RANBP2: variants seen among roughly 807,000 people sequenced by gnomAD.
RANBP2 encodes E3 SUMO-protein ligase RanBP2.
RANBP2 carries 57 observed loss-of-function variants against 303.6 expected under a neutral mutation model. That is an observed-to-expected ratio of 0.19 (90% confidence interval 0.15 to 0.23). The LOEUF is 0.23. Among genes scored for constraint, RANBP2 ranks in the 10% least tolerant of loss-of-function variants. The pLI is 1.00. For synonymous variants in RANBP2, 1,167 were observed against 1,301.5 expected, an observed-to-expected ratio of 0.90 and a Z score of 2.23; for missense variants, 3,138 against 3,780.8, an observed-to-expected ratio of 0.83 and a Z score of 4.46.
the RANBP2 span, among the ~76,000 whole-genome samples, chr2:109,629,425 A>C: frequency 1.4e-5 from 2 of 145,402 alleles, no homozygotes; most frequent in Admixed American, 1.4e-4. Flanking sequence ...TCTTCACCTT[A>C]ATATAACAAT....
the RANBP2 span, among the ~76,000 whole-genome samples, chr2:109,699,613 G>A: frequency 6.6e-6 from 1 of 152,190 alleles, no homozygotes; most frequent in Non-Finnish European, 1.5e-5. Flanking sequence ...TCATCATAAA[G>A]GTCTTCATCC....
chr2:108,751,199 T>G, intron 9 of RANBP2, 65 bp from the exon 10 acceptor site: 1 of 1,611,074 alleles, frequency 6.2e-7, no homozygotes, highest in Non-Finnish European at 8.5e-7. Flanking sequence ...TTGTTTATGT[T>G]GGCAAAACTA....
At chr2:109,146,261 G>A in the RANBP2 span, among the ~76,000 whole-genome samples, 2 of 152,156 alleles carry the variant, frequency 1.3e-5, no homozygotes, top group African/African-American at 2.4e-5. Flanking sequence ...CAGATTAAGG[G>A]TCAGGCAAAG....
At chr2:109,521,925 G>A in the RANBP2 span, among the ~76,000 whole-genome samples, 1 of 152,108 alleles carries the variant, frequency 6.6e-6, no homozygotes, top group African/African-American at 2.4e-5. Flanking sequence ...GGGGAGGGAG[G>A]GGTCGCAGCT....
At chr2:108,871,687 AT>A in the RANBP2 span, among the ~76,000 whole-genome samples, 1 of 152,180 alleles carries the variant, frequency 6.6e-6, no homozygotes, top group Non-Finnish European at 1.5e-5. Flanking sequence ...TGTATACCCT[AT>A]TTAAATACTG....
At chr2:109,248,783 G>C in the RANBP2 span, among the ~76,000 whole-genome samples, 1 of 140,908 alleles carries the variant, frequency 7.1e-6, no homozygotes, top group African/African-American at 2.8e-5. Flanking sequence ...TCTTCTTTCT[G>C]TCTTTCTCTT....
the RANBP2 span, among the ~76,000 whole-genome samples, chr2:109,650,202 G>T: frequency 2.3e-4 from 35 of 152,222 alleles, no homozygotes; most frequent in Non-Finnish European, 4.1e-4. Context: ...CACACAGCAT[G>T]AATCGGGTTT....
chr2:109,224,864 T>A, the RANBP2 span, among the ~76,000 whole-genome samples: 17 of 151,926 alleles, frequency 1.1e-4, no homozygotes, highest in South Asian at 2.1e-4. Flanking sequence ...CTCAAAAAAA[T>A]TTTTTTTCAT....
chr2:109,214,603 C>A, the RANBP2 span, among the ~76,000 whole-genome samples: 1 of 152,070 alleles, frequency 6.6e-6, no homozygotes, highest in Non-Finnish European at 1.5e-5. Flanking sequence ...AACAGGAATC[C>A]TTTTTGAGGA....
At chr2:109,238,750 A>G in the RANBP2 span, among the ~76,000 whole-genome samples, 6 of 152,148 alleles carry the variant, frequency 3.9e-5, no homozygotes, top group African/African-American at 9.7e-5. Context: ...CAGCTGCTAC[A>G]TGCTTGCATC....
the RANBP2 span, among the ~76,000 whole-genome samples, chr2:109,513,617 A>ATGCGCAGACATCACTTGCACATT: frequency 6.6e-6 from 1 of 152,206 alleles, no homozygotes; most frequent in South Asian, 2.1e-4. Flanking sequence ...CTATATGCAC[A>ATGCGCAGACATCACTTGCACATT]TGCGCACACA....
the RANBP2 span, among the ~76,000 whole-genome samples, chr2:109,576,087 C>T: frequency 6.6e-6 from 1 of 151,916 alleles, no homozygotes; most frequent in Non-Finnish European, 1.5e-5. Context: ...CAGCGAGACC[C>T]CCATCTCTAC....
the RANBP2 span, among the ~76,000 whole-genome samples, chr2:109,122,304 G>C: frequency 6.6e-6 from 1 of 152,212 alleles, no homozygotes; most frequent in Non-Finnish European, 1.5e-5. Context: ...GGATTGGAAA[G>C]GGACTTAGAA....
At chr2:109,241,051 A>G in the RANBP2 span, among the ~76,000 whole-genome samples, 1 of 152,230 alleles carries the variant, frequency 6.6e-6, no homozygotes, top group East Asian at 1.9e-4. Flanking sequence ...AATAATTACT[A>G]AAAATATATG....
At chr2:109,296,921 C>T in the RANBP2 span, among the ~76,000 whole-genome samples, 5 of 152,130 alleles carry the variant, frequency 3.3e-5, no homozygotes, top group Admixed American at 2.0e-4. Context: ...GTGGATTGGG[C>T]TGCAGTGTGG....
chr2:109,563,203 C>T, the RANBP2 span, among the ~76,000 whole-genome samples: 1 of 152,174 alleles, frequency 6.6e-6, no homozygotes, highest in African/African-American at 2.4e-5. Flanking sequence ...TGAACCACCA[C>T]ACCCGGCCAT....
At chr2:109,033,929 C>T in the RANBP2 span, among the ~76,000 whole-genome samples, 2 of 144,992 alleles carry the variant, frequency 1.4e-5, no homozygotes, top group East Asian at 4.1e-4. Context: ...GCACTTCAGC[C>T]TGGCGACAGA....
the RANBP2 span, among the ~76,000 whole-genome samples, chr2:109,177,435 G>A: frequency 2.0e-5 from 3 of 152,112 alleles, no homozygotes; most frequent in Non-Finnish European, 2.9e-5. Flanking sequence ...TTTAGACTTG[G>A]GGCCTGTGAT....
the RANBP2 span, among the ~76,000 whole-genome samples, chr2:109,705,450 G>A: frequency 2.6e-5 from 4 of 152,192 alleles, no homozygotes; most frequent in African/African-American, 9.6e-5. Context: ...TATATGCAGC[G>A]AGGGTGGGTG....
Sources: allele counts gnomAD v4.1 joint callset (sites outside exome capture counted in the v4.1 genomes callset), GRCh38; gene constraint gnomAD v4.1.1; transcripts MANE v1.5; gene names NCBI Gene and HGNC (gene_info 2026-07-23, HGNC 2026-07-21).